The following TOGARAM2 variants were observed in gnomAD, a reference collection of about 807,000 sequenced individuals.
TOGARAM2 encodes TOG array regulator of axonemal microtubules protein 2.
A neutral mutation model predicts 93.3 loss-of-function variants in TOGARAM2; 85 were observed. The ratio of observed to expected loss-of-function variants is 0.91; its 90% CI spans 0.76 to 1.09. The LOEUF (loss-of-function observed/expected upper bound fraction) is 1.09, where lower values mean the gene tolerates loss of function less well. Among genes scored for constraint, TOGARAM2 ranks in the 50% least tolerant of loss-of-function variants. The pLI is 0.00. For synonymous variants in TOGARAM2, 593 were observed against 552.8 expected (o/e 1.07, Z -1.02); for missense variants, 1,277 against 1,334.5 (o/e 0.96, Z 0.67).
At chr2:28,970,602 C>T (rs1671934043) in intron 1 of TOGARAM2, among the ~76,000 whole-genome samples, 1 of 152,142 alleles carries the variant, frequency 6.6e-6, no homozygotes, top group Non-Finnish European at 1.5e-5. Context: ...AAATCACTAT[C>T]CACCTATATC....
intron 1 of TOGARAM2, among the ~76,000 whole-genome samples, chr2:28,976,266 G>GA (rs1672030573): frequency 1.3e-5 from 2 of 152,284 alleles, no homozygotes; most frequent in African/African-American, 4.8e-5. Flanking sequence ...AGCTACTCAG[G>GA]AGGCTGAGGC....
intron 16 of TOGARAM2, among the ~76,000 whole-genome samples, chr2:29,035,150 C>CA (rs5830098): frequency 0.12 from 12,230 of 102,296 alleles, 945 homozygotes; most frequent in East Asian, 0.25. Flanking sequence ...GACTCTGCCT[C>CA]AAAAAAAAAA....
In TOGARAM2 at chr2:28,983,177, A is replaced by AATATAT. The variant is rs1553334840; in HGVS notation, c.-111+1656_-111+1661dup. On this transcript the variant is annotated intron_variant, in intron 1 of 19. Transcript: ENST00000379558. Reference sequence around the variant, plus strand: ...TAATCTTTGTGTGTGTGTATATATAAATATATATATATATATATATATTTT... The same window carrying AATATAT: ...TAATCTTTGTGTGTGTGTATATATAAATATATATATATATATATATATATATATTTT... Among the ~76,000 whole-genome samples the AATATAT allele has an allele frequency of 2.6e-3, 83 of 32,350 alleles. 4 individuals carry two copies. Among genetic ancestry groups the AATATAT allele is most frequent in the Middle Eastern group, 0.017 (1 of 60 alleles). 21.2% of individuals were successfully genotyped at this position (32,350 alleles called of 152,430 possible).
chr2:29,035,404 A>T, intron 16 of TOGARAM2, 60 bp from the exon 17 acceptor site: 1 of 1,278,192 alleles, frequency 7.8e-7, no homozygotes, highest in Non-Finnish European at 1.0e-6. Context: ...TGGGACCAGA[A>T]GTGGGTTCAT....
intron 16 of TOGARAM2, among the ~76,000 whole-genome samples, chr2:29,035,006 C>T (rs1320855272): frequency 6.6e-6 from 1 of 151,968 alleles, no homozygotes; most frequent in Non-Finnish European, 1.5e-5. Flanking sequence ...AAAAATTAGC[C>T]GGGCATGGTG....
chr2:29,008,624 T>A, intron 6 of TOGARAM2, among the ~76,000 whole-genome samples: 2 of 152,034 alleles, frequency 1.3e-5, no homozygotes, highest in Non-Finnish European at 2.9e-5. Flanking sequence ...GCCCGGCTAA[T>A]TTTTGTATTT....
chr2:29,030,803 T>C (rs1665724191), intron 14 of TOGARAM2, among the ~76,000 whole-genome samples: 1 of 152,168 alleles, frequency 6.6e-6, no homozygotes, highest in African/African-American at 2.4e-5. Flanking sequence ...AGTTGGAGGC[T>C]TCTCAATTCT....
intron 1 of TOGARAM2, among the ~76,000 whole-genome samples, chr2:28,992,382 C>T (rs1011349879): frequency 2.6e-5 from 4 of 152,110 alleles, no homozygotes; most frequent in African/African-American, 9.7e-5. Flanking sequence ...CTGAGAGGGT[C>T]TCAAAGGGGC....
intron 1 of TOGARAM2, chr2:28,971,164 G>A (rs1197397053): frequency 6.6e-6 from 1 of 152,188 alleles, no homozygotes; most frequent in African/African-American, 2.4e-5. Context: ...ATTCCAGAGG[G>A]GGGTTGAAAC....
intron 1 of TOGARAM2, among the ~76,000 whole-genome samples, chr2:28,971,498 C>T (rs1671946160): frequency 6.6e-6 from 1 of 152,164 alleles, no homozygotes; most frequent in South Asian, 2.1e-4. Context: ...AGGCGTGGGT[C>T]ACCACGACCA....
At chr2:29,007,225 T>C (rs1663938402) in intron 6 of TOGARAM2, among the ~76,000 whole-genome samples, 1 of 152,184 alleles carries the variant, frequency 6.6e-6, no homozygotes, top group Non-Finnish European at 1.5e-5. Context: ...GGTTTCCATC[T>C]TTCTGTTGGG....
chr2:29,015,720 G>A (rs976588548), intron 8 of TOGARAM2, among the ~76,000 whole-genome samples: 5 of 152,088 alleles, frequency 3.3e-5, no homozygotes, highest in African/African-American at 9.7e-5. Context: ...CTTTTGATAC[G>A]ACTTGTGTCT....
chr2:28,973,424 C>CTCCCTTCCTTCCCTTCCCT (rs1558394740), intron 1 of TOGARAM2, among the ~76,000 whole-genome samples: 1 of 58,132 alleles, frequency 1.7e-5, no homozygotes, highest in South Asian at 5.9e-4. Flanking sequence ...TCCTTCTTTC[C>CTCCCTTCCTTCCCTTCCCT]TCCCTTCCTT....
intron 1 of TOGARAM2, among the ~76,000 whole-genome samples, chr2:28,967,907 C>A (rs999531204): frequency 4.0e-5 from 6 of 151,452 alleles, no homozygotes; most frequent in Admixed American, 6.6e-5. Flanking sequence ...CAACCTCCCC[C>A]TCCTGGGTTC....
chr2:28,991,825 C>T (rs575501080), intron 1 of TOGARAM2, among the ~76,000 whole-genome samples: 16 of 152,340 alleles, frequency 1.1e-4, no homozygotes, highest in Admixed American at 7.2e-4. Flanking sequence ...CCTATGGCCC[C>T]GGTCACTATG....
chr2:28,995,822 A>C (rs1466870485), intron 2 of TOGARAM2, among the ~76,000 whole-genome samples: 3 of 152,220 alleles, frequency 2.0e-5, no homozygotes, highest in Non-Finnish European at 4.4e-5. Context: ...CTGGGGATGG[A>C]CGAGCTGGGT....
At position 29,023,256 on chromosome 2, in the gene TOGARAM2, A is replaced by G. The variant is rs1665094558; in HGVS notation, c.1617+65A>G. On this transcript the variant is annotated intron_variant, in intron 12 of 19. Coordinates refer to ENST00000379558, the MANE Select transcript of TOGARAM2 (RefSeq NM_199280.4). ...CTGCAGCTGCTGGATGCAGTCCGCT[A>G]GCAGCTGTGGAGGGGCTGTGGCTTC... 5.2e-6 allele frequency: 7 copies of G among 1,355,828 alleles called. No individual in the cohort carries two copies. The East Asian group carries it at 1.5e-4, about 30-fold the overall frequency. The allele number at this position is 1,355,828 out of a possible 1,614,324, so 84.0% of individuals were successfully genotyped here. A position where few individuals can be genotyped will look rare whatever the true frequency, so the allele number is the denominator to read the frequency against.
chr2:28,966,954 T>C (rs768546396), intron 1 of TOGARAM2, among the ~76,000 whole-genome samples: 22 of 152,222 alleles, frequency 1.4e-4, no homozygotes, highest in Non-Finnish European at 2.9e-4. Context: ...ATTTCATATG[T>C]AAAAGAAAGC....
intron 12 of TOGARAM2, 135 bp downstream of exon 12, chr2:29,023,326 A>G: frequency 1.5e-6 from 1 of 686,282 alleles, no homozygotes; most frequent in Non-Finnish European, 2.5e-6. Context: ...TCAGCCACTG[A>G]GGTAGGAGGT....
Sources: allele counts gnomAD v4.1 joint callset (sites outside exome capture counted in the v4.1 genomes callset), GRCh38; gene constraint gnomAD v4.1.1; transcripts MANE v1.5; gene names NCBI Gene and HGNC (gene_info 2026-07-23, HGNC 2026-07-21).